Variants in CLUL1 observed in about 807,000 individuals in gnomAD.
CLUL1 encodes the protein clusterin-like protein 1.
In CLUL1, 43 loss-of-function variants were observed where a neutral mutation model predicts 49.4. The ratio of observed to expected loss-of-function variants is 0.87; its 90% CI spans 0.68 to 1.12. The LOEUF (loss-of-function observed/expected upper bound fraction) is 1.12, where lower values mean the gene tolerates loss of function less well. CLUL1 is among the 50% of genes most tolerant of loss of function. The pLI is 0.00. For synonymous variants in CLUL1, 192 were observed against 184.9 expected, an observed-to-expected ratio of 1.04 and a Z score of -0.31; for missense variants, 486 against 544.4, an observed-to-expected ratio of 0.89 and a Z score of 1.07.
In CLUL1 at chr18:619,369, C is replaced by T. The variant is rs1296990593; in HGVS notation, c.255+8C>T. The T allele has an allele frequency of 2.5e-6, 4 of 1,608,006 alleles. No individual in the cohort carries two copies. The highest frequency in any genetic ancestry group is 3.4e-6 in the Non-Finnish European group (4 of 1,177,758). On this transcript the variant is annotated splice_region_variant and intron_variant, in intron 4 of 9. Coordinates refer to ENST00000692774, the MANE Select transcript of CLUL1 (RefSeq NM_001393344.1). ...TGCAGAGAAGAAAAGCAGGTACAGT[C>T]ATTGAAAATAATGTCTGTTCTTACA...
rs36222515 is a variant in CLUL1, at chr18:630,672, C to CTTTTTTTT, written c.857-2600_857-2593dup. Among the ~76,000 whole-genome samples, 33 of 62,046 alleles carry CTTTTTTTT rather than the reference C, an allele frequency of 5.3e-4. 2 individuals are homozygous for CTTTTTTTT. Among genetic ancestry groups the CTTTTTTTT allele is most frequent in the African/African-American group, 1.9e-3 (26 of 13,908 alleles). The allele number at this position is 62,046 out of a possible 152,430, so 40.7% of individuals were successfully genotyped here. A position where few individuals can be genotyped will look rare whatever the true frequency, so the allele number is the denominator to read the frequency against. The stretch of plus-strand genomic sequence containing the variant: ...CGCAAAAAACTAGCCCTACTGACAT[C>CTTTTTTTT]TTTTTTTTTTTTTTTTTTTTTTTTT... On this transcript the variant is annotated intron_variant, in intron 6 of 9. Transcript: ENST00000692774.
rs1247545544 is a variant in CLUL1 at position 606,099 on chromosome 18, T to C, written c.-135-879T>C. 2.6e-5 allele frequency among the ~76,000 whole-genome samples: 4 copies of C among 152,190 alleles called. No homozygotes were observed. Among genetic ancestry groups the C allele is most frequent in the Non-Finnish European group, 4.4e-5 (3 of 68,022 alleles). On this transcript the variant is annotated intron_variant, in intron 1 of 9. Transcript: ENST00000692774. This position sits in a 1 kb window ranked among gnomAD's most constrained non-coding sequence, Gnocchi z 4.1. ...TTTAAGAATATACCAAATAAGAATA[T>C]GCAAGTCCTCCCCTAAGGGTGGCAG...
Position 641,696 on chromosome 18 carries a change from G to A in CLUL1, c.1209+155G>A, listed in dbSNP as rs373130491. Reference sequence around the variant, plus strand: ...TGCCTTCAGGCTGACTTGATTTAACGTAGTTCATGGTCTTTAGAAAACAAG... The same window carrying A: ...TGCCTTCAGGCTGACTTGATTTAACATAGTTCATGGTCTTTAGAAAACAAG... On this transcript the variant is annotated intron_variant, in intron 8 of 9. Transcript: ENST00000692774. 1.8e-3 allele frequency among the ~76,000 whole-genome samples: 268 copies of A among 152,254 alleles called. 2 individuals are homozygous for A. Among genetic ancestry groups the A allele is most frequent in the Non-Finnish European group, 3.0e-3 (203 of 68,014 alleles).
chr18:640,045 G>C (rs1042486651), intron 7 of CLUL1, among the ~76,000 whole-genome samples: 10 of 152,078 alleles, frequency 6.6e-5, no homozygotes, highest in African/African-American at 2.4e-4. Context: ...ATCTCTACTA[G>C]ACAAACATTT....
At chr18:626,550 T>C (rs2073703983) in intron 5 of CLUL1, among the ~76,000 whole-genome samples, 1 of 151,908 alleles carries the variant, frequency 6.6e-6, no homozygotes, top group Non-Finnish European at 1.5e-5. Flanking sequence ...AAGTTGACTT[T>C]AAAATTTGCA....
At chr18:605,262 A>G (rs1354870739) in intron 1 of CLUL1, among the ~76,000 whole-genome samples, 2 of 152,342 alleles carry the variant, frequency 1.3e-5, no homozygotes, top group Middle Eastern at 3.4e-3. Flanking sequence ...GTATCATGGC[A>G]TTCCTCAAAT....
chr18:600,186 C>A (rs916265269), intron 1 of CLUL1, among the ~76,000 whole-genome samples: 3 of 149,164 alleles, frequency 2.0e-5, no homozygotes, highest in African/African-American at 7.3e-5. Flanking sequence ...AAGATTCGAA[C>A]AATCCATTTG....
At chr18:644,840 TG>T in intron 8 of CLUL1, 69 bp from the exon 9 acceptor site, 1 of 1,197,280 alleles carries the variant, frequency 8.4e-7, no homozygotes, top group Non-Finnish European at 1.2e-6. Flanking sequence ...CTGACTAAGG[TG>T]GTATTAAATT....
chr18:598,036 C>T (rs1177394616), intron 1 of CLUL1: 1 of 152,228 alleles, frequency 6.6e-6, no homozygotes, highest in Non-Finnish European at 1.5e-5. Flanking sequence ...TTTCTCCAGA[C>T]ATTGAAAACA....
chr18:613,128 A>G, intron 2 of CLUL1: 3 of 366,138 alleles, frequency 8.2e-6, no homozygotes, highest in South Asian at 7.6e-5. Context: ...ATATGAAACT[A>G]AAACAATTAT....
intron 2 of CLUL1, among the ~76,000 whole-genome samples, chr18:609,541 T>C (rs2073071540): frequency 6.6e-6 from 1 of 152,032 alleles, no homozygotes; most frequent in African/African-American, 2.4e-5. Context: ...AAGTTTAGAT[T>C]GGCCAGGCAT....
chr18:627,406 T>G lies in CLUL1; in HGVS notation c.733T>G (p.Cys245Gly). ...EPMTKADLEQ[C>G]WDIPNFFQLF... ...GATGACAAAAGCAGATCTTGAGCAA[T>G]GTTGGGACATTCCCAACTTCTTCCA... Residue 245 changes from cysteine to glycine, a missense_variant, in exon 6 of 10, where the codon TGT becomes GGT. Coordinates refer to ENST00000692774, the MANE Select transcript of CLUL1 (RefSeq NM_001393344.1). 6.2e-7 allele frequency: 1 copy of G among 1,614,180 alleles called. No homozygotes were observed. The highest frequency in any genetic ancestry group is 8.5e-7 in the Non-Finnish European group (1 of 1,179,990).
chr18:614,326 G>A (rs1434817208), intron 2 of CLUL1, among the ~76,000 whole-genome samples: 1 of 79,560 alleles, frequency 1.3e-5, no homozygotes, highest in African/African-American at 3.5e-5. Context: ...AGGGAGGGAA[G>A]GAAGGGAGGG....
chr18:632,873 G>A (rs2074027973), intron 6 of CLUL1, among the ~76,000 whole-genome samples: 1 of 152,154 alleles, frequency 6.6e-6, no homozygotes, highest in Non-Finnish European at 1.5e-5. Flanking sequence ...TAGGAAAAAG[G>A]GCCAGGGGCG....
intron 4 of CLUL1, among the ~76,000 whole-genome samples, chr18:623,312 T>C (rs924063763): frequency 2.6e-5 from 4 of 152,064 alleles, no homozygotes; most frequent in African/African-American, 7.2e-5. Flanking sequence ...GAATTACAGG[T>C]GTGAGCCACT....
rs73366410 is a variant in CLUL1 at position 641,879 on chromosome 18, T to C, written c.1209+338T>C. Reference sequence around the variant, plus strand: ...AGAGAAGACTTACAAATAAAGCAATTTGAGTTCAAAATTTGACTCTGAAAC... The same window carrying C: ...AGAGAAGACTTACAAATAAAGCAATCTGAGTTCAAAATTTGACTCTGAAAC... On this transcript the variant is annotated intron_variant, in intron 8 of 9. Transcript: ENST00000692774. 8.5e-4 allele frequency among the ~76,000 whole-genome samples: 130 copies of C among 152,290 alleles called. 1 individual carries two copies. Among genetic ancestry groups the C allele is most frequent in the African/African-American group, 3.0e-3 (126 of 41,566 alleles).
chr18:626,051 G>A (rs1246559480), intron 5 of CLUL1, among the ~76,000 whole-genome samples: 2 of 152,146 alleles, frequency 1.3e-5, no homozygotes, highest in African/African-American at 4.8e-5. Flanking sequence ...TGTTTTTGTG[G>A]ATGAAGAGTC....
intron 1 of CLUL1, chr18:598,537 C>A (rs774811166): frequency 3.3e-5 from 13 of 398,458 alleles, no homozygotes; most frequent in Non-Finnish European, 4.4e-5. Flanking sequence ...TCCATGGAGG[C>A]AGCAGTGGGA....
intron 2 of CLUL1, among the ~76,000 whole-genome samples, chr18:612,177 C>T (rs1193218782): frequency 6.6e-6 from 1 of 152,232 alleles, no homozygotes; most frequent in Non-Finnish European, 1.5e-5. Context: ...ACAACAGTGG[C>T]CTTTTAAAAC....
Sources: allele counts gnomAD v4.1 joint callset (sites outside exome capture counted in the v4.1 genomes callset), GRCh38; gene constraint gnomAD v4.1.1; non-coding constraint Gnocchi (gnomAD v3.1); transcripts MANE v1.5; gene names NCBI Gene and HGNC (gene_info 2026-07-23, HGNC 2026-07-21).